KLHL1: variants seen among roughly 807,000 people sequenced by gnomAD.
The protein encoded by KLHL1 is kelch-like protein 1.
In KLHL1, 47 loss-of-function variants were observed where a neutral mutation model predicts 77.7. The ratio of observed to expected loss-of-function variants is 0.60; its 90% CI spans 0.48 to 0.77. The LOEUF (loss-of-function observed/expected upper bound fraction) is 0.77, where lower values mean the gene tolerates loss of function less well. KLHL1 is among the 30% of genes least tolerant of loss of function. The pLI is 0.00. For missense variants in KLHL1, 925 were observed against 910.8 expected (o/e 1.02, Z -0.20); for synonymous variants, 360 against 325.2 (o/e 1.11, Z -1.15).
chr13:69,865,823 T>A (rs1880347023), intron 5 of KLHL1, among the ~76,000 whole-genome samples: 1 of 152,146 alleles, frequency 6.6e-6, no homozygotes, highest in African/African-American at 2.4e-5. Flanking sequence ...TCCACTCTCC[T>A]AAGAAATTGA....
At chr13:69,816,512 G>T (rs1566286588) in intron 6 of KLHL1, among the ~76,000 whole-genome samples, 1 of 151,684 alleles carries the variant, frequency 6.6e-6, no homozygotes. Context: ...TGATCCACCC[G>T]CCTAGGCCTC....
chr13:69,818,297 T>G (rs903532287), intron 6 of KLHL1, among the ~76,000 whole-genome samples: 8 of 147,098 alleles, frequency 5.4e-5, no homozygotes, highest in Non-Finnish European at 1.2e-4. Context: ...CTCAGCTCAC[T>G]GCAACCTCTG....
At chr13:69,712,033 T>A (rs1875900886) in intron 9 of KLHL1, among the ~76,000 whole-genome samples, 1 of 152,140 alleles carries the variant, frequency 6.6e-6, no homozygotes. Context: ...CTTGAAGAGT[T>A]CTTGTTCAAA....
intron 4 of KLHL1, among the ~76,000 whole-genome samples, chr13:69,919,394 C>CT (rs1279363661): frequency 6.6e-6 from 1 of 151,948 alleles, no homozygotes; most frequent in Non-Finnish European, 1.5e-5. Flanking sequence ...TTACTGGATC[C>CT]TTTTTTTAGC....
chr13:69,913,435 C>T (rs528247517), intron 4 of KLHL1, among the ~76,000 whole-genome samples: 5 of 152,334 alleles, frequency 3.3e-5, no homozygotes, highest in Admixed American at 1.3e-4. Context: ...CTTCCTCATA[C>T]GCAGGCACTT....
At chr13:69,860,617 GTATAA>G (rs561530908) in intron 5 of KLHL1, among the ~76,000 whole-genome samples, 112 of 151,656 alleles carry the variant, frequency 7.4e-4, no homozygotes, top group East Asian at 3.3e-3. Flanking sequence ...ATTCCTTTAT[GTATAA>G]TATAATTTTA....
intron 1 of KLHL1, among the ~76,000 whole-genome samples, chr13:69,989,094 T>C (rs59311897): frequency 0.16 from 23,736 of 152,058 alleles, 3,926 homozygotes; most frequent in African/African-American, 0.42. Context: ...TAGTTTTATG[T>C]TTTACATTTA....
intron 1 of KLHL1, among the ~76,000 whole-genome samples, chr13:70,088,619 G>A (rs1259588406): frequency 1.2e-4 from 18 of 152,210 alleles, no homozygotes; most frequent in East Asian, 1.9e-4. Flanking sequence ...GGAGTTGGAC[G>A]TTATAGTCAG....
intron 1 of KLHL1, among the ~76,000 whole-genome samples, chr13:70,002,786 G>A (rs546332714): frequency 5.9e-5 from 9 of 151,680 alleles, no homozygotes; most frequent in African/African-American, 1.9e-4. Context: ...AGTATAAAAA[G>A]CAAAACTATT....
At position 69,947,047 on chromosome 13, in the gene KLHL1, TGTGTGTGTG is replaced by T. The variant is rs1185782464; in HGVS notation, c.818-6820_818-6812del. On this transcript the variant is annotated intron_variant, in intron 3 of 10. Coordinates refer to ENST00000377844, the MANE Select transcript of KLHL1 (RefSeq NM_020866.3). The stretch of plus-strand genomic sequence containing the variant: ...TGTGTGTTGTGTGTGTGTGTGTGTG[TGTGTGTGTG>T]TGTGTGTGTGTGTGTGTGAAGATCT... Among the ~76,000 whole-genome samples the T allele has an allele frequency of 8.2e-5, 12 of 147,100 alleles. No homozygotes were observed. In the South Asian group the frequency reaches 2.7e-3, roughly 33 times the overall value.
At chr13:69,954,160 A>G (rs1883796521) in intron 3 of KLHL1, among the ~76,000 whole-genome samples, 1 of 151,334 alleles carries the variant, frequency 6.6e-6, no homozygotes, top group South Asian at 2.1e-4. Context: ...AAGGATCAGA[A>G]TGAACACTGG....
intron 6 of KLHL1, among the ~76,000 whole-genome samples, chr13:69,824,992 T>C (rs1032123737): frequency 1.3e-5 from 2 of 151,862 alleles, no homozygotes; most frequent in African/African-American, 4.9e-5. Flanking sequence ...GTTTTCAATT[T>C]TGAAATGCAT....
At chr13:69,921,436 T>C (rs552030292) in intron 4 of KLHL1, among the ~76,000 whole-genome samples, 6 of 152,194 alleles carry the variant, frequency 3.9e-5, no homozygotes, top group African/African-American at 1.4e-4. Context: ...GGAAGGAGAG[T>C]TGCTTAGTCT....
chr13:70,027,287 A>G (rs1885974128), intron 1 of KLHL1, among the ~76,000 whole-genome samples: 1 of 152,170 alleles, frequency 6.6e-6, no homozygotes, highest in African/African-American at 2.4e-5. Flanking sequence ...CAAAGTAAGA[A>G]GCCACGGAGA....
At chr13:69,782,673 T>A (rs1876290215) in intron 7 of KLHL1, among the ~76,000 whole-genome samples, 1 of 152,164 alleles carries the variant, frequency 6.6e-6, no homozygotes, top group South Asian at 2.1e-4. Context: ...AAGCTCAAAC[T>A]GGGTGGAGCC....
chr13:70,075,588 T>TATATATATATATATATAC (rs1221350719), intron 1 of KLHL1, among the ~76,000 whole-genome samples: 130 of 121,978 alleles, frequency 1.1e-3, no homozygotes, highest in Non-Finnish European at 1.6e-3. Flanking sequence ...TATATATATA[T>TATATATATATATATATAC]ACACACACAC....
intron 1 of KLHL1, among the ~76,000 whole-genome samples, chr13:70,012,558 G>C (rs1297791797): frequency 1.3e-5 from 2 of 152,012 alleles, no homozygotes; most frequent in Non-Finnish European, 2.9e-5. Flanking sequence ...TATTTGAATG[G>C]TAGTACCTAT....
At chr13:69,711,801 G>T (rs1337747762) in intron 9 of KLHL1, among the ~76,000 whole-genome samples, 1 of 152,040 alleles carries the variant, frequency 6.6e-6, no homozygotes, top group Non-Finnish European at 1.5e-5. Flanking sequence ...AAGAGGCTGT[G>T]TTAATTTACA....
chr13:69,813,469 T>TACAC lies in KLHL1; in HGVS notation c.1415-16508_1415-16507insGTGT, dbSNP rs200355649. 6.1e-3 allele frequency among the ~76,000 whole-genome samples: 802 copies of TACAC among 130,556 alleles called. 10 individuals are homozygous for TACAC. The highest frequency in any genetic ancestry group is 0.022 in the African/African-American group (769 of 34,264). The allele number at this position is 130,556 out of a possible 152,430, so 85.6% of individuals were successfully genotyped here. A position where few individuals can be genotyped will look rare whatever the true frequency, so the allele number is the denominator to read the frequency against. ...GCACATATAAAAAAATACACACATA[T>TACAC]ATACACACACATACACACACACACA... On this transcript the variant is annotated intron_variant, in intron 6 of 10. Transcript: ENST00000377844.
Sources: allele counts gnomAD v4.1 joint callset (sites outside exome capture counted in the v4.1 genomes callset), GRCh38; gene constraint gnomAD v4.1.1; transcripts MANE v1.5; gene names NCBI Gene and HGNC (gene_info 2026-07-23, HGNC 2026-07-21).